Variants in DNAJC17 observed in about 807,000 individuals in gnomAD.
DNAJC17 encodes DnaJ heat shock protein family (Hsp40) member C17, also known as dnaJ homolog subfamily C member 17.
In DNAJC17, 35 loss-of-function variants were observed where a neutral mutation model predicts 48.1. The ratio of observed to expected loss-of-function variants is 0.73; its 90% CI spans 0.56 to 0.96. DNAJC17 has a LOEUF of 0.96. Ranked by LOEUF, DNAJC17 falls within the 50% of genes least tolerant of loss-of-function variation. The probability of loss-of-function intolerance (pLI) is 0.00; values close to 1 mark genes in which losing one functional copy is unlikely to be tolerated. For missense variants in DNAJC17, 355 were observed against 377.1 expected (o/e 0.94, Z 0.48); for synonymous variants, 117 against 142.7 (o/e 0.82, Z 1.28).
intron 1 of DNAJC17, among the ~76,000 whole-genome samples, chr15:40,794,316 C>T (rs913241934): frequency 2.6e-5 from 4 of 151,996 alleles, no homozygotes; most frequent in Middle Eastern, 3.4e-3. Context: ...TGCCACTGCA[C>T]TCCAGCCTGG....
At chr15:40,778,212 G>A (rs1889383685) in intron 4 of DNAJC17, among the ~76,000 whole-genome samples, 1 of 151,670 alleles carries the variant, frequency 6.6e-6, no homozygotes, top group African/African-American at 2.4e-5. Context: ...AAAAGAAGAA[G>A]AAGACTCAGC....
chr15:40,784,051 AC>A (rs1175517919), intron 1 of DNAJC17, among the ~76,000 whole-genome samples: 1 of 150,902 alleles, frequency 6.6e-6, no homozygotes, highest in Non-Finnish European at 1.5e-5. Context: ...ACGTGGTAAA[AC>A]CCCGTCTCTA....
At chr15:40,788,493 G>A (rs562134498) in intron 1 of DNAJC17, among the ~76,000 whole-genome samples, 4 of 152,220 alleles carry the variant, frequency 2.6e-5, no homozygotes, top group South Asian at 4.2e-4. Context: ...TCAGGAGATC[G>A]AGACCATCCT....
Position 40,770,693 on chromosome 15 carries a change from G to A in DNAJC17, c.793-2631C>T. On this transcript the variant is annotated intron_variant, in intron 10 of 10. Coordinates refer to ENST00000220496, the MANE Select transcript of DNAJC17 (RefSeq NM_018163.3). This position sits in a 1 kb window ranked among gnomAD's most constrained non-coding sequence, Gnocchi z 5.0. The stretch of plus-strand genomic sequence containing the variant: ...GGCCAGATGGCCGGCGCCTGCCACT[G>A]TGGGGGGACGAGCAGCCCCGGGCCA... The A allele has an allele frequency of 6.5e-7, 1 of 1,548,072 alleles. No homozygotes were observed. The highest frequency in any genetic ancestry group is 1.2e-5 in the South Asian group (1 of 84,048).
chr15:40,788,425 G>A (rs746639073), intron 1 of DNAJC17, among the ~76,000 whole-genome samples: 7 of 152,294 alleles, frequency 4.6e-5, no homozygotes, highest in African/African-American at 1.2e-4. Flanking sequence ...GGCCGGGCAC[G>A]GTGGCTCACG....
chr15:40,771,141 T>C, intron 10 of DNAJC17: 1 of 952,904 alleles, frequency 1.0e-6, no homozygotes, highest in Non-Finnish European at 1.6e-6. Flanking sequence ...GCAGAGCTTC[T>C]TCATCCTGGG....
intron 4 of DNAJC17, chr15:40,776,847 G>A: frequency 1.8e-6 from 1 of 541,524 alleles, no homozygotes; most frequent in Non-Finnish European, 3.3e-6. Flanking sequence ...GGGTCTGGAA[G>A]AGTTAAAAAC....
intron 1 of DNAJC17, among the ~76,000 whole-genome samples, chr15:40,781,791 G>A (rs755058821): frequency 1.4e-5 from 2 of 147,484 alleles, no homozygotes; most frequent in East Asian, 1.9e-4. Flanking sequence ...GCATGGTGGC[G>A]GGCGCCTGTA....
intron 6 of DNAJC17, 102 bp downstream of exon 6, chr15:40,776,094 G>A (rs1427500831): frequency 1.8e-6 from 2 of 1,101,358 alleles, no homozygotes; most frequent in Non-Finnish European, 2.7e-6. Flanking sequence ...GGTTCCAGCA[G>A]GTAGAAGCCT....
intron 1 of DNAJC17, among the ~76,000 whole-genome samples, chr15:40,781,876 C>T (rs1373600950): frequency 6.6e-6 from 1 of 151,092 alleles, no homozygotes; most frequent in East Asian, 1.9e-4. Context: ...GAGCCGAGAT[C>T]ACACCATTGC....
chr15:40,804,353 G>T (rs551593907), intron 1 of DNAJC17, among the ~76,000 whole-genome samples: 1 of 151,918 alleles, frequency 6.6e-6, no homozygotes, highest in East Asian at 2.0e-4. Context: ...CCAGGCAGGA[G>T]GATAGCTTGA....
chr15:40,765,878 C>T lies in DNAJC17; in HGVS notation c.*2062G>A. The stretch of plus-strand genomic sequence containing the variant: ...TGAACAGTCGGATCCAGAGCTGATG[C>T]AGCATCTGGGGGCTTCAAAGAGAAG... On this transcript the variant is annotated 3_prime_UTR_variant, in exon 11 of 11. Coordinates refer to ENST00000220496, the MANE Select transcript of DNAJC17 (RefSeq NM_018163.3). 6.3e-7 allele frequency: 1 copy of T among 1,584,408 alleles called. No individual in the cohort carries two copies. Among genetic ancestry groups the T allele is most frequent in the South Asian group, 1.1e-5 (1 of 87,908 alleles).
At chr15:40,803,361 G>A (rs541899281) in intron 1 of DNAJC17, among the ~76,000 whole-genome samples, 3 of 152,298 alleles carry the variant, frequency 2.0e-5, no homozygotes, top group East Asian at 1.9e-4. Context: ...ACCATGGTGC[G>A]GGGACACCAG....
At chr15:40,773,858 T>C in intron 9 of DNAJC17, 21 bp from the exon 10 acceptor site, 2 of 1,601,852 alleles carry the variant, frequency 1.2e-6, no homozygotes, top group Non-Finnish European at 1.7e-6. Context: ...CAGCATCTAG[T>C]CCTGTCCCAT....
At chr15:40,804,414 G>GAA (rs113627118) in intron 1 of DNAJC17, among the ~76,000 whole-genome samples, 14 of 136,266 alleles carry the variant, frequency 1.0e-4, no homozygotes, top group East Asian at 6.4e-4. Flanking sequence ...CCCGTCTCTG[G>GAA]AAAAAAAAAA....
intron 2 of DNAJC17, 85 bp downstream of exon 2, chr15:40,779,843 G>A (rs1889431832): frequency 1.6e-5 from 23 of 1,441,624 alleles, no homozygotes; most frequent in Non-Finnish European, 1.2e-5. Context: ...ACACCCCACA[G>A]CACTCACATG....
At chr15:40,799,996 TTTTTTTTTGTTG>T (rs1890037009) in intron 1 of DNAJC17, among the ~76,000 whole-genome samples, 2 of 143,288 alleles carry the variant, frequency 1.4e-5, no homozygotes, top group South Asian at 4.2e-4. Flanking sequence ...ACACCAGGGT[TTTTTTTTTGTTG>T]TTGTTGTTGT....
intron 6 of DNAJC17, 75 bp downstream of exon 6, chr15:40,776,121 G>C (rs945409255): frequency 6.9e-7 from 1 of 1,442,262 alleles, no homozygotes; most frequent in African/African-American, 1.4e-5. Context: ...CAGCTCCACC[G>C]AACAGCCAGT....
At chr15:40,788,424 C>T (rs921124666) in intron 1 of DNAJC17, among the ~76,000 whole-genome samples, 42 of 152,116 alleles carry the variant, frequency 2.8e-4, no homozygotes, top group African/African-American at 9.9e-4. Flanking sequence ...GGGCCGGGCA[C>T]GGTGGCTCAC....
Sources: gnomAD v4.1 joint callset for allele counts (sites outside exome capture counted in the v4.1 genomes callset) on GRCh38, gnomAD v4.1.1 for gene constraint, Gnocchi (gnomAD v3.1) non-coding constraint, MANE v1.5 for transcripts, NCBI Gene and HGNC (gene_info 2026-07-23, HGNC 2026-07-21) for gene names.